The following GPR158 variants were observed in gnomAD, a reference collection of about 807,000 sequenced individuals.
GPR158 encodes G protein-coupled receptor 158.
A neutral mutation model predicts 78.2 loss-of-function variants in GPR158; 30 were observed. The observed-to-expected ratio is 0.38, with a 90% confidence interval of 0.29 to 0.52. GPR158 has a LOEUF of 0.52. GPR158 is among the 20% of genes least tolerant of loss of function. The pLI, the probability that GPR158 is intolerant of heterozygous loss-of-function variation, is 0.83. For synonymous variants in GPR158, 581 were observed against 591.1 expected, an observed-to-expected ratio of 0.98 and a Z score of 0.25; for missense variants, 1,463 against 1,523.5, an observed-to-expected ratio of 0.96 and a Z score of 0.66.
chr10:25,241,389 C>T (rs1156447480), intron 2 of GPR158, among the ~76,000 whole-genome samples: 1 of 134,836 alleles, frequency 7.4e-6, no homozygotes, highest in African/African-American at 3.1e-5. Flanking sequence ...CTCTTCTCTT[C>T]TCTTCTCTTC....
chr10:25,252,976 CG>C (rs1185137728), intron 2 of GPR158, among the ~76,000 whole-genome samples: 1 of 152,184 alleles, frequency 6.6e-6, no homozygotes, highest in Non-Finnish European at 1.5e-5. Flanking sequence ...ATTCCGTGGG[CG>C]TAGGACCCTC....
intron 5 of GPR158, among the ~76,000 whole-genome samples, chr10:25,509,779 C>T (rs956939915): frequency 1.3e-5 from 2 of 152,116 alleles, no homozygotes; most frequent in East Asian, 1.9e-4. Flanking sequence ...TGCAGTGGTG[C>T]GATCTCCGCT....
chr10:25,384,289 A>G (rs890934429), intron 2 of GPR158, among the ~76,000 whole-genome samples: 3 of 152,182 alleles, frequency 2.0e-5, no homozygotes, highest in Non-Finnish European at 4.4e-5. Context: ...AAAACTAAGC[A>G]TAAGAACTCA....
intron 6 of GPR158, 117 bp from the exon 7 acceptor site, chr10:25,572,532 A>T: frequency 1.3e-6 from 1 of 758,672 alleles, no homozygotes; most frequent in South Asian, 1.6e-5. Flanking sequence ...AAACAAAGCA[A>T]ACTCTGATTA....
chr10:25,397,345 G>A (rs1338953639), intron 3 of GPR158, among the ~76,000 whole-genome samples: 1 of 152,158 alleles, frequency 6.6e-6, no homozygotes, highest in Non-Finnish European at 1.5e-5. Flanking sequence ...TAATACCCAA[G>A]AAGAAAGACT....
At chr10:25,292,025 C>T (rs974545290) in intron 2 of GPR158, among the ~76,000 whole-genome samples, 10 of 151,950 alleles carry the variant, frequency 6.6e-5, no homozygotes, top group Admixed American at 1.3e-4. Context: ...AACTTGGCCC[C>T]GGCAGTTCCA....
intron 7 of GPR158, among the ~76,000 whole-genome samples, chr10:25,587,486 A>T (rs962415813): frequency 6.6e-6 from 1 of 152,236 alleles, no homozygotes; most frequent in African/African-American, 2.4e-5. Context: ...CAAAGAAAGA[A>T]ATGTAGAAAT....
chr10:25,415,336 C>A lies in GPR158; in HGVS notation c.1335+2863C>A, dbSNP rs530124772. ...TAATCAATAAAAAGATAAGTAAAAC[C>A]AATTTAAAAAGTGAGCCAAGGATCT... On this transcript the variant is annotated intron_variant, in intron 4 of 10. Transcript: ENST00000376351. 1.4e-4 allele frequency among the ~76,000 whole-genome samples: 21 copies of A among 151,848 alleles called. 1 individual carries two copies. The highest frequency in any genetic ancestry group is 4.6e-4 in the African/African-American group (19 of 41,456).
Position 25,535,498 on chromosome 10 carries a change from A to T in GPR158, c.1405-15478A>T, listed in dbSNP as rs574625603. On this transcript the variant is annotated intron_variant, in intron 5 of 10. Coordinates refer to ENST00000376351, the MANE Select transcript of GPR158 (RefSeq NM_020752.3). ...GCTGACAACAGCAGCATGGGCTTGG[A>T]AGTGTATCCTTCTCCAGTTTAGCCT... Among the ~76,000 whole-genome samples the T allele has an allele frequency of 2.8e-4, 42 of 152,286 alleles. No homozygotes were observed. The South Asian group carries it at 8.7e-3, about 32-fold the overall frequency.
At chr10:25,320,283 C>T (rs899172507) in intron 2 of GPR158, among the ~76,000 whole-genome samples, 3 of 152,126 alleles carry the variant, frequency 2.0e-5, no homozygotes, top group Non-Finnish European at 2.9e-5. Flanking sequence ...TTTTAATGGT[C>T]TATTTATGTT....
intron 2 of GPR158, among the ~76,000 whole-genome samples, chr10:25,354,026 C>A (rs59342106): frequency 6.6e-6 from 1 of 151,822 alleles, no homozygotes; most frequent in African/African-American, 2.4e-5. Context: ...CTGTGGTTAC[C>A]ATGATGCTTA....
chr10:25,379,572 C>T (rs1474340612), intron 2 of GPR158, among the ~76,000 whole-genome samples: 1 of 151,004 alleles, frequency 6.6e-6, no homozygotes, highest in Non-Finnish European at 1.5e-5. Flanking sequence ...TTCTTTTTCT[C>T]TTCAGCTTCT....
intron 5 of GPR158, among the ~76,000 whole-genome samples, chr10:25,525,659 G>A (rs1836337165): frequency 6.6e-6 from 1 of 152,212 alleles, no homozygotes; most frequent in South Asian, 2.1e-4. Context: ...CCTGTGGCAG[G>A]GGAAGAATGG....
chr10:25,575,636 C>A (rs565368992), intron 7 of GPR158, among the ~76,000 whole-genome samples: 2 of 152,208 alleles, frequency 1.3e-5, no homozygotes, highest in South Asian at 4.1e-4. Flanking sequence ...CTTATGAGAA[C>A]ATAAAAATAA....
chr10:25,237,981 A>G (rs1247419568), intron 2 of GPR158, among the ~76,000 whole-genome samples: 1 of 148,178 alleles, frequency 6.7e-6, no homozygotes, highest in Non-Finnish European at 1.5e-5. Flanking sequence ...CACTTACTTC[A>G]CTGTCTCTTC....
chr10:25,258,271 A>G (rs1156767929), intron 2 of GPR158, among the ~76,000 whole-genome samples: 1 of 152,212 alleles, frequency 6.6e-6, no homozygotes, highest in African/African-American at 2.4e-5. Flanking sequence ...TCATTTGTTT[A>G]TGCATTTCTC....
At chr10:25,502,125 G>T (rs1835951673) in intron 5 of GPR158, among the ~76,000 whole-genome samples, 1 of 152,128 alleles carries the variant, frequency 6.6e-6, no homozygotes, top group African/African-American at 2.4e-5. Context: ...AAACAATTCA[G>T]CCCAGGGCTA....
intron 4 of GPR158, among the ~76,000 whole-genome samples, chr10:25,423,184 CACACATATAT>C (rs1217462389): frequency 6.7e-6 from 1 of 149,516 alleles, no homozygotes; most frequent in Non-Finnish European, 1.5e-5. Context: ...TATGTATATA[CACACATATAT>C]ACACACACAC....
At chr10:25,191,459 C>T (rs551093093) in intron 1 of GPR158, among the ~76,000 whole-genome samples, 1 of 152,314 alleles carries the variant, frequency 6.6e-6, no homozygotes, top group Non-Finnish European at 1.5e-5. Flanking sequence ...TGTTCCCAGG[C>T]CCTGCCTAGA....
Sources: gnomAD v4.1 joint callset for allele counts (sites outside exome capture counted in the v4.1 genomes callset) on GRCh38, gnomAD v4.1.1 for gene constraint, MANE v1.5 for transcripts, NCBI Gene and HGNC (gene_info 2026-07-23, HGNC 2026-07-21) for gene names.